Variants in SAMD4A observed in about 807,000 individuals in gnomAD.
SAMD4A encodes protein Smaug homolog 1.
Under a neutral mutation model 81.3 loss-of-function variants are expected in SAMD4A, and 33 were observed. The observed-to-expected ratio is 0.41, with a 90% confidence interval of 0.31 to 0.54. The LOEUF (loss-of-function observed/expected upper bound fraction) is 0.54. Ranked by LOEUF, SAMD4A falls within the 20% of genes least tolerant of loss-of-function variation. The pLI is 0.37. For synonymous variants in SAMD4A, 389 were observed against 382.1 expected, an observed-to-expected ratio of 1.02 and a Z score of -0.21; for missense variants, 854 against 951.1, an observed-to-expected ratio of 0.90 and a Z score of 1.34.
At chr14:54,595,534 C>G (rs890129322) in intron 2 of SAMD4A, among the ~76,000 whole-genome samples, 1 of 151,524 alleles carries the variant, frequency 6.6e-6, no homozygotes, top group African/African-American at 2.4e-5. Flanking sequence ...CCTTACACTC[C>G]TAACTACAAT....
chr14:54,686,736 G>C (rs1214394587), intron 2 of SAMD4A, among the ~76,000 whole-genome samples: 1 of 152,166 alleles, frequency 6.6e-6, no homozygotes, highest in East Asian at 1.9e-4. Context: ...GTTATTACAG[G>C]TCATTGGGAG....
chr14:54,647,505 A>G (rs906077774), intron 2 of SAMD4A, among the ~76,000 whole-genome samples: 6 of 152,198 alleles, frequency 3.9e-5, no homozygotes, highest in African/African-American at 1.2e-4. Flanking sequence ...ACCATTCAAT[A>G]TTGGTTCTGC....
At chr14:54,588,867 A>T (rs557859097) in intron 2 of SAMD4A, among the ~76,000 whole-genome samples, 1 of 152,286 alleles carries the variant, frequency 6.6e-6, no homozygotes, top group East Asian at 1.9e-4. Context: ...GTCTATTGAC[A>T]GGAAAAGGAT....
chr14:54,567,120 G>C (rs1265951307), upstream of SAMD4A: 1 of 152,306 alleles, frequency 6.6e-6, no homozygotes, highest in South Asian at 2.1e-4. Context: ...CCACCCCCGC[G>C]CCCCTTCGCA....
chr14:54,725,410 C>T (rs1226628797), intron 3 of SAMD4A, among the ~76,000 whole-genome samples: 1 of 152,130 alleles, frequency 6.6e-6, no homozygotes, highest in South Asian at 2.1e-4. Context: ...AAGATTCTTA[C>T]CAGGAAAAGC....
At chr14:54,772,826 C>CAAA (rs35278828) in intron 9 of SAMD4A, among the ~76,000 whole-genome samples, 2 of 145,784 alleles carry the variant, frequency 1.4e-5, no homozygotes, top group Admixed American at 6.8e-5. Flanking sequence ...AACAAACAAA[C>CAAA]AAAAAAAAAA....
At chr14:54,629,813 G>A (rs909977765) in intron 2 of SAMD4A, among the ~76,000 whole-genome samples, 1 of 152,058 alleles carries the variant, frequency 6.6e-6, no homozygotes, top group African/African-American at 2.4e-5. Flanking sequence ...ATGAAACTGT[G>A]TGTGTATATT....
chr14:54,676,360 CCTTTCTTTTCTT>C (rs1422502132), intron 2 of SAMD4A, among the ~76,000 whole-genome samples: 5 of 152,090 alleles, frequency 3.3e-5, no homozygotes, highest in Admixed American at 6.6e-5. Context: ...TTAGTACTTT[CCTTTCTTTTCTT>C]TTTTCTTTTC....
chr14:54,618,617 A>G (rs755412152), intron 2 of SAMD4A, among the ~76,000 whole-genome samples: 3 of 152,210 alleles, frequency 2.0e-5, no homozygotes, highest in African/African-American at 7.2e-5. Context: ...ATATTTTACA[A>G]TGTCTGTTTG....
At chr14:54,718,440 A>C (rs1187858409) in intron 3 of SAMD4A, among the ~76,000 whole-genome samples, 2 of 152,222 alleles carry the variant, frequency 1.3e-5, no homozygotes, top group Non-Finnish European at 2.9e-5. Context: ...TAGGAGCAAG[A>C]AGCTTTATAC....
At chr14:54,735,131 TAGAC>T (rs1392984115) in intron 3 of SAMD4A, 5 of 152,112 alleles carry the variant, frequency 3.3e-5, no homozygotes, top group Non-Finnish European at 5.9e-5. Context: ...TATAAATACT[TAGAC>T]AGGCATGAAA....
At chr14:54,731,188 G>A (rs928073702) in intron 3 of SAMD4A, among the ~76,000 whole-genome samples, 1 of 152,152 alleles carries the variant, frequency 6.6e-6, no homozygotes, top group Non-Finnish European at 1.5e-5. Flanking sequence ...TCACCTTTTT[G>A]TAGCTAGCAG....
At chr14:54,720,207 A>T (rs1057512163) in intron 3 of SAMD4A, among the ~76,000 whole-genome samples, 2 of 151,906 alleles carry the variant, frequency 1.3e-5, no homozygotes, top group African/African-American at 4.8e-5. Flanking sequence ...TCCTTTTTGT[A>T]TTGCATTCTG....
Position 54,632,193 on chromosome 14 carries a change from TAAAC to T in SAMD4A, c.196+64086_196+64089del, listed in dbSNP as rs1049458480. 5.3e-5 allele frequency among the ~76,000 whole-genome samples: 8 copies of T among 152,196 alleles called. No individual in the cohort carries two copies. In the East Asian group the frequency reaches 7.7e-4, roughly 15 times the overall value. On this transcript the variant is annotated intron_variant, in intron 2 of 12. Transcript: ENST00000554335. ...TAGAGTCAAGATGAACATGCACTAA[TAAAC>T]AAACCACTTACTATTAGATATACAA...
chr14:54,786,683 C>CA (rs2039150039), intron 12 of SAMD4A, among the ~76,000 whole-genome samples: 1 of 152,210 alleles, frequency 6.6e-6, no homozygotes, highest in Non-Finnish European at 1.5e-5. Flanking sequence ...TGATACATCT[C>CA]AGACAATTGG....
chr14:54,723,559 G>A (rs1341186148), intron 3 of SAMD4A, among the ~76,000 whole-genome samples: 1 of 152,136 alleles, frequency 6.6e-6, no homozygotes, highest in Non-Finnish European at 1.5e-5. Flanking sequence ...GAAATACTGT[G>A]GCAAATTAAT....
At chr14:54,735,513 G>A (rs1208974599) in intron 3 of SAMD4A, among the ~76,000 whole-genome samples, 1 of 152,076 alleles carries the variant, frequency 6.6e-6, no homozygotes, top group Non-Finnish European at 1.5e-5. Flanking sequence ...CATTCATAAA[G>A]AAGTTTCTAG....
intron 2 of SAMD4A, among the ~76,000 whole-genome samples, chr14:54,607,438 G>A (rs997142340): frequency 4.0e-5 from 6 of 151,564 alleles, no homozygotes; most frequent in Non-Finnish European, 7.4e-5. Flanking sequence ...ATCACTTGAG[G>A]TCAGGAGTTC....
At chr14:54,757,410 TGTGTGTGTGTGTG>T (rs1245053343) in intron 6 of SAMD4A, among the ~76,000 whole-genome samples, 7 of 147,320 alleles carry the variant, frequency 4.8e-5, no homozygotes, top group African/African-American at 1.3e-4. Flanking sequence ...TGTGTGTGTG[TGTGTGTGTGTGTG>T]TGTGTTTTGT....
Sources: allele counts gnomAD v4.1 joint callset (sites outside exome capture counted in the v4.1 genomes callset), GRCh38; gene constraint gnomAD v4.1.1; transcripts MANE v1.5; gene names NCBI Gene and HGNC (gene_info 2026-07-23, HGNC 2026-07-21).